Variants in WWOX observed in about 807,000 individuals in gnomAD.
WWOX encodes the protein WW domain-containing oxidoreductase.
Under a neutral mutation model 46.2 loss-of-function variants are expected in WWOX, and 69 were observed. The ratio of observed to expected loss-of-function variants is 1.49; its 90% CI spans 1.23 to 1.82. The LOEUF is 1.82. Among genes scored for constraint, WWOX ranks in the 40% most tolerant of loss-of-function variants. WWOX has a pLI of 0.00. For missense variants in WWOX, 919 were observed against 542.6 expected (o/e 1.69, Z -6.89); for synonymous variants, 359 against 202.6 (o/e 1.77, Z -6.56).
At chr16:78,193,781 G>A (rs1184163072) in intron 5 of WWOX, among the ~76,000 whole-genome samples, 1 of 151,478 alleles carries the variant, frequency 6.6e-6, no homozygotes, top group Non-Finnish European at 1.5e-5. Flanking sequence ...GTGGATGAGA[G>A]TGAAGACATA....
At chr16:78,593,109 C>A (rs2045389705) in intron 8 of WWOX, among the ~76,000 whole-genome samples, 1 of 152,158 alleles carries the variant, frequency 6.6e-6, no homozygotes, top group African/African-American at 2.4e-5. Flanking sequence ...ATTTGGGACC[C>A]ACTGGGAGTT....
In WWOX at chr16:79,117,654, G is replaced by C. The variant is rs56009411; in HGVS notation, c.1057-93954G>C. On this transcript the variant is annotated intron_variant, in intron 8 of 8. Transcript: ENST00000566780. ...GCTGTTTTGTCTACATTGAAAATCT[G>C]TTAGTGTAGCCACCTTAGTGGTCTT... 8.7e-3 allele frequency among the ~76,000 whole-genome samples: 1,325 copies of C among 152,344 alleles called. 22 individuals are homozygous for C. Among genetic ancestry groups the C allele is most frequent in the African/African-American group, 0.03 (1,256 of 41,592 alleles).
chr16:79,191,228 T>G (rs452689), intron 8 of WWOX, among the ~76,000 whole-genome samples: 1,817 of 151,898 alleles, frequency 0.012, 23 homozygotes, highest in Non-Finnish European at 0.019. Context: ...TAATTTTTTT[T>G]GTATTTTAGC....
intron 8 of WWOX, among the ~76,000 whole-genome samples, chr16:78,524,362 G>A (rs56156753): frequency 0.019 from 2,854 of 151,906 alleles, 61 homozygotes; most frequent in African/African-American, 0.056. Context: ...AACTTAATTG[G>A]TAAAGTTTAG....
At chr16:79,146,566 C>G (rs557550115) in intron 8 of WWOX, among the ~76,000 whole-genome samples, 5 of 152,106 alleles carry the variant, frequency 3.3e-5, no homozygotes, top group Admixed American at 2.0e-4. Flanking sequence ...TTTCCTCTCC[C>G]ACACAGGATA....
At chr16:78,233,774 G>A (rs1727469733) in intron 5 of WWOX, among the ~76,000 whole-genome samples, 1 of 152,126 alleles carries the variant, frequency 6.6e-6, no homozygotes, top group Non-Finnish European at 1.5e-5. Context: ...TGATCCGCCT[G>A]TCTTGGCCTC....
At chr16:79,194,553 G>A (rs10163338) in intron 8 of WWOX, among the ~76,000 whole-genome samples, 26 of 151,668 alleles carry the variant, frequency 1.7e-4, no homozygotes, top group African/African-American at 6.3e-4. Flanking sequence ...TCTCGGCTCC[G>A]ACGTTACAGG....
chr16:78,628,283 C>T (rs1180593601), intron 8 of WWOX, among the ~76,000 whole-genome samples: 1 of 152,158 alleles, frequency 6.6e-6, no homozygotes, highest in Non-Finnish European at 1.5e-5. Flanking sequence ...CTAATGTTTC[C>T]TGAAGTTTCC....
chr16:78,122,239 A>G lies in WWOX; in HGVS notation c.409+7085A>G, dbSNP rs2033131553. Among the ~76,000 whole-genome samples the G allele has an allele frequency of 3.3e-5, 5 of 152,268 alleles. No homozygotes were observed. The South Asian group carries it at 1.0e-3, about 32-fold the overall frequency. On this transcript the variant is annotated intron_variant, in intron 4 of 8. Transcript: ENST00000566780. ...TGTGGGTCTTGGAACGCATCTCCCG[A>G]GGATAAGGGGGGGCTACTGTCAGTG...
intron 8 of WWOX, among the ~76,000 whole-genome samples, chr16:78,720,688 T>G (rs908356060): frequency 6.6e-6 from 1 of 151,746 alleles, no homozygotes; most frequent in Non-Finnish European, 1.5e-5. Context: ...AACACCCGAG[T>G]TTTATGATTC....
intron 8 of WWOX, among the ~76,000 whole-genome samples, chr16:79,014,275 T>G (rs945263254): frequency 6.6e-6 from 1 of 152,190 alleles, no homozygotes; most frequent in Non-Finnish European, 1.5e-5. Flanking sequence ...GAGAATACCA[T>G]GCCCACCCGG....
chr16:78,696,017 G>A (rs773248737), intron 8 of WWOX, among the ~76,000 whole-genome samples: 2 of 152,168 alleles, frequency 1.3e-5, no homozygotes, highest in African/African-American at 2.4e-5. Flanking sequence ...GGAGGGAGAC[G>A]AAGTGGGAGC....
At chr16:79,143,606 GATA>G (rs1567579404) in intron 8 of WWOX, among the ~76,000 whole-genome samples, 3 of 152,160 alleles carry the variant, frequency 2.0e-5, no homozygotes, top group Non-Finnish European at 4.4e-5. Context: ...TAAAAATTAT[GATA>G]ATAATATTGA....
chr16:79,009,700 C>G (rs2047264821), intron 8 of WWOX, among the ~76,000 whole-genome samples: 3 of 152,202 alleles, frequency 2.0e-5, no homozygotes, highest in Admixed American at 6.5e-5. Context: ...ATCCACCCAC[C>G]TCAGCTTCCC....
At chr16:78,486,761 A>G (rs538629285) in intron 8 of WWOX, among the ~76,000 whole-genome samples, 114 of 152,236 alleles carry the variant, frequency 7.5e-4, no homozygotes, top group African/African-American at 2.7e-3. Context: ...TTCAGTTGAG[A>G]TAAGGGTTTA....
intron 8 of WWOX, among the ~76,000 whole-genome samples, chr16:78,443,539 A>T (rs1009006385): frequency 6.6e-6 from 1 of 152,162 alleles, no homozygotes; most frequent in Non-Finnish European, 1.5e-5. Flanking sequence ...GGAGCACCTC[A>T]TCAATGTATT....
intron 6 of WWOX, among the ~76,000 whole-genome samples, chr16:78,409,342 A>G (rs945163636): frequency 6.6e-6 from 1 of 152,032 alleles, no homozygotes; most frequent in Admixed American, 6.6e-5. Context: ...TCACCCCCCA[A>G]ATGTCCTCTG....
chr16:78,228,132 C>T (rs1358598475), intron 5 of WWOX, among the ~76,000 whole-genome samples: 1 of 152,124 alleles, frequency 6.6e-6, no homozygotes, highest in African/African-American at 2.4e-5. Flanking sequence ...TCCCCTGGGG[C>T]CCATCTCTTC....
chr16:78,423,232 T>C (rs2082993626), intron 6 of WWOX, among the ~76,000 whole-genome samples: 1 of 151,880 alleles, frequency 6.6e-6, no homozygotes, highest in African/African-American at 2.4e-5. Flanking sequence ...TCTTTCTCTT[T>C]CTCTGTTTCT....
Sources: gnomAD v4.1 joint callset for allele counts (sites outside exome capture counted in the v4.1 genomes callset) on GRCh38, gnomAD v4.1.1 for gene constraint, MANE v1.5 for transcripts, NCBI Gene and HGNC (gene_info 2026-07-23, HGNC 2026-07-21) for gene names.